The following CCDC6 variants were observed in gnomAD, a reference collection of about 807,000 sequenced individuals.
The protein encoded by CCDC6 is coiled-coil domain containing 6, also known as coiled-coil domain-containing protein 6.
CCDC6 carries 20 observed loss-of-function variants against 56.6 expected under a neutral mutation model. The observed-to-expected ratio is 0.35, with a 90% CI of 0.25 to 0.51. CCDC6 has a LOEUF of 0.51. Ranked by LOEUF, CCDC6 falls within the 20% of genes least tolerant of loss-of-function variation. The pLI, the probability that CCDC6 is intolerant of heterozygous loss-of-function variation, is 0.95. For synonymous variants in CCDC6, 241 were observed against 234.4 expected (o/e 1.03, Z -0.26); for missense variants, 367 against 601.1 (o/e 0.61, Z 4.07).
chr10:59,860,450 G>A (rs2071118453), intron 1 of CCDC6, among the ~76,000 whole-genome samples: 1 of 152,134 alleles, frequency 6.6e-6, no homozygotes, highest in Non-Finnish European at 1.5e-5. Context: ...GCCCAGATAT[G>A]AGATCTAAAC....
At chr10:59,826,804 T>G (rs1217009701) in intron 3 of CCDC6, among the ~76,000 whole-genome samples, 2 of 152,198 alleles carry the variant, frequency 1.3e-5, no homozygotes, top group South Asian at 4.1e-4. Context: ...TTAAATGATA[T>G]ACACACTTAT....
At chr10:59,870,073 G>A (rs1385921863) in intron 1 of CCDC6, among the ~76,000 whole-genome samples, 1 of 152,086 alleles carries the variant, frequency 6.6e-6, no homozygotes, top group African/African-American at 2.4e-5. Flanking sequence ...GATGTATCTT[G>A]CCTACTGCCA....
intron 1 of CCDC6, among the ~76,000 whole-genome samples, chr10:59,878,782 G>C (rs977043239): frequency 6.6e-6 from 1 of 152,150 alleles, no homozygotes; most frequent in Non-Finnish European, 1.5e-5. Flanking sequence ...AGAGATTTCA[G>C]TGCCTCCATG....
In CCDC6 at chr10:59,792,779, A is replaced by G; in HGVS notation, c.*138T>C. On this transcript the variant is annotated 3_prime_UTR_variant, in exon 9 of 9. Coordinates refer to ENST00000263102, the MANE Select transcript of CCDC6 (RefSeq NM_005436.5). ...GCTGCATTTCTGACAAACATTTACA[A>G]CACAATGGATAGTGAAGCCTAGATA... The G allele has an allele frequency of 1.1e-6, 1 of 921,650 alleles. No individual in the cohort carries two copies. The highest frequency in any genetic ancestry group is 1.8e-6 in the Non-Finnish European group (1 of 556,882). The allele number at this position is 921,650 out of a possible 1,614,324, so 57.1% of individuals were successfully genotyped here. A position where few individuals can be genotyped will look rare whatever the true frequency, so the allele number is the denominator to read the frequency against.
chr10:59,811,120 T>C (rs1468384424), intron 5 of CCDC6, among the ~76,000 whole-genome samples: 2 of 152,196 alleles, frequency 1.3e-5, no homozygotes, highest in East Asian at 3.9e-4. Context: ...GCCTAGTGAG[T>C]CCCATCTTAG....
chr10:59,812,159 A>G (rs780940159), intron 5 of CCDC6, among the ~76,000 whole-genome samples: 5 of 152,098 alleles, frequency 3.3e-5, no homozygotes, highest in African/African-American at 4.8e-5. Flanking sequence ...TGATTTTTCA[A>G]CTCAACATCT....
intron 1 of CCDC6, among the ~76,000 whole-genome samples, chr10:59,894,560 C>A (rs1458509943): frequency 9.6e-6 from 1 of 104,584 alleles, no homozygotes; most frequent in African/African-American, 2.7e-5. Flanking sequence ...ATACAGCAGA[C>A]ACTCATGTTT....
In CCDC6 at chr10:59,827,298, G is replaced by GA. The variant is rs2070795923; in HGVS notation, c.582+5226dup. On this transcript the variant is annotated intron_variant, in intron 3 of 8. Coordinates refer to ENST00000263102, the MANE Select transcript of CCDC6 (RefSeq NM_005436.5). ...AATAACAATGAAATATGATTAAATAGAAAATCAGTGCAAAGCATGTAAGTA... is the reference window on the plus strand; with the variant it reads ...AATAACAATGAAATATGATTAAATAGAAAAATCAGTGCAAAGCATGTAAGTA... Among the ~76,000 whole-genome samples, 4 of 152,180 alleles carry GA rather than the reference G, an allele frequency of 2.6e-5. No individual in the cohort carries two copies. In the South Asian group the frequency reaches 8.3e-4, roughly 32 times the overall value.
chr10:59,852,439 A>G (rs1213529314), intron 2 of CCDC6, 114 bp downstream of exon 2: 1 of 834,218 alleles, frequency 1.2e-6, no homozygotes, highest in Non-Finnish European at 1.8e-6. Flanking sequence ...TCTCCAAAGA[A>G]CTTAAGCTAC....
chr10:59,813,214 T>C (rs1339282501), intron 4 of CCDC6, among the ~76,000 whole-genome samples: 2 of 152,180 alleles, frequency 1.3e-5, no homozygotes, highest in African/African-American at 2.4e-5. Context: ...TAAGCTACTA[T>C]GAATCTCCTT....
At chr10:59,897,613 A>G (rs1020464655) in intron 1 of CCDC6, among the ~76,000 whole-genome samples, 1 of 152,190 alleles carries the variant, frequency 6.6e-6, no homozygotes, top group Admixed American at 6.5e-5. Flanking sequence ...TGAGTTGAAA[A>G]GTTATCTATA....
chr10:59,898,277 T>C (rs1162525451), intron 1 of CCDC6, among the ~76,000 whole-genome samples: 2 of 152,102 alleles, frequency 1.3e-5, no homozygotes, highest in African/African-American at 4.8e-5. Flanking sequence ...TCAATCATCA[T>C]CACATAAAAA....
intron 2 of CCDC6, among the ~76,000 whole-genome samples, chr10:59,838,839 C>T (rs752983351): frequency 1.3e-5 from 2 of 152,156 alleles, no homozygotes; most frequent in Admixed American, 6.5e-5. Flanking sequence ...GTCTGAATCC[C>T]TCCCCTCAAT....
At chr10:59,825,516 T>G (rs1015848627) in intron 3 of CCDC6, among the ~76,000 whole-genome samples, 1 of 152,192 alleles carries the variant, frequency 6.6e-6, no homozygotes, top group African/African-American at 2.4e-5. Context: ...ACAACCATGT[T>G]TTACAGGAGT....
chr10:59,862,447 C>A (rs991197079), intron 1 of CCDC6, among the ~76,000 whole-genome samples: 4 of 149,464 alleles, frequency 2.7e-5, no homozygotes, highest in Non-Finnish European at 5.9e-5. Context: ...GAGATCATGC[C>A]CCTGCACTCC....
At chr10:59,812,826 C>T in intron 4 of CCDC6, 31 bp from the exon 5 acceptor site, 1 of 1,541,506 alleles carries the variant, frequency 6.5e-7, no homozygotes, top group Non-Finnish European at 8.9e-7. Flanking sequence ...CCAACAATGA[C>T]TAACAGTTTT....
chr10:59,852,533 G>A lies in CCDC6; in HGVS notation c.453+20C>T. The A allele has an allele frequency of 1.3e-6, 2 of 1,554,526 alleles. No individual in the cohort carries two copies. Among genetic ancestry groups the A allele is most frequent in the Non-Finnish European group, 1.7e-6 (2 of 1,155,970 alleles). ...AGGAAAATAGGCAGGGAAGATGAGG[G>A]AGTAGAAAAGATAATTTACCTGCAT... On this transcript the variant is annotated intron_variant, in intron 2 of 8. Transcript: ENST00000263102.
intron 3 of CCDC6, among the ~76,000 whole-genome samples, chr10:59,829,098 GACTA>G (rs2070813302): frequency 6.6e-6 from 1 of 152,158 alleles, no homozygotes; most frequent in Admixed American, 6.5e-5. Context: ...CATACCAAAG[GACTA>G]ACTTTCAGTG....
chr10:59,862,512 T>C (rs1213806756), intron 1 of CCDC6, among the ~76,000 whole-genome samples: 4 of 75,416 alleles, frequency 5.3e-5, no homozygotes, highest in African/African-American at 3.4e-4. Context: ...TATATATATA[T>C]ATATACACAC....
Sources: gnomAD v4.1 joint callset for allele counts (sites outside exome capture counted in the v4.1 genomes callset) on GRCh38, gnomAD v4.1.1 for gene constraint, MANE v1.5 for transcripts, NCBI Gene and HGNC (gene_info 2026-07-23, HGNC 2026-07-21) for gene names.